The following SPOCK3 variants were observed in gnomAD, a reference collection of about 807,000 sequenced individuals.
The protein encoded by SPOCK3 is SPARC (osteonectin), cwcv and kazal like domains proteoglycan 3, also known as testican-3.
Under a neutral mutation model 56.6 loss-of-function variants are expected in SPOCK3, and 30 were observed. That is an observed-to-expected ratio of 0.53 (90% CI 0.40 to 0.72). SPOCK3 has a LOEUF of 0.72. Ranked by LOEUF, SPOCK3 falls within the 30% of genes least tolerant of loss-of-function variation. SPOCK3 has a pLI of 0.00. For missense variants in SPOCK3, 527 were observed against 530.0 expected, an observed-to-expected ratio of 0.99 and a Z score of 0.06; for synonymous variants, 196 against 183.3, an observed-to-expected ratio of 1.07 and a Z score of -0.56.
chr4:166,824,549 G>T (rs1275044550), intron 6 of SPOCK3, among the ~76,000 whole-genome samples: 1 of 152,098 alleles, frequency 6.6e-6, no homozygotes, highest in Non-Finnish European at 1.5e-5. Context: ...GGGAGCGTCT[G>T]TGAAAGGTTT....
chr4:167,003,872 A>G (rs954514364), intron 3 of SPOCK3, among the ~76,000 whole-genome samples: 1 of 152,188 alleles, frequency 6.6e-6, no homozygotes, highest in Non-Finnish European at 1.5e-5. Context: ...GCGTCATTAC[A>G]TTCGCAGTGT....
At chr4:166,969,136 C>T (rs1216376608) in intron 4 of SPOCK3, among the ~76,000 whole-genome samples, 2 of 152,134 alleles carry the variant, frequency 1.3e-5, no homozygotes, top group East Asian at 3.9e-4. Flanking sequence ...TCCATTATAT[C>T]TTGGAAGTAA....
chr4:166,863,265 G>T (rs529066174), intron 6 of SPOCK3, among the ~76,000 whole-genome samples: 2 of 151,884 alleles, frequency 1.3e-5, no homozygotes, highest in Non-Finnish European at 2.9e-5. Context: ...ATATGGAAAG[G>T]AGCTCTTTCC....
chr4:166,848,909 G>T (rs1043928939), intron 6 of SPOCK3, among the ~76,000 whole-genome samples: 1 of 152,106 alleles, frequency 6.6e-6, no homozygotes, highest in African/African-American at 2.4e-5. Flanking sequence ...TCTAACAGGT[G>T]ATGTAAACTA....
In SPOCK3 at chr4:166,840,839, C is replaced by T. The variant is rs370517841; in HGVS notation, c.589+48291G>A. On this transcript the variant is annotated intron_variant, in intron 6 of 10. Transcript: ENST00000357545. Reference sequence around the variant, plus strand: ...TGTCGCCCAGGCTGGAGTGCAGTGGCGCAATCTCGGGTCACTGCAAGGTCC... The same window carrying T: ...TGTCGCCCAGGCTGGAGTGCAGTGGTGCAATCTCGGGTCACTGCAAGGTCC... Among the ~76,000 whole-genome samples the T allele has an allele frequency of 1.3e-3, 173 of 131,248 alleles. 1 individual carries two copies. The highest frequency in any genetic ancestry group is 4.5e-3 in the African/African-American group (147 of 32,918). 86.1% of individuals were successfully genotyped at this position (131,248 alleles called of 152,430 possible).
At chr4:166,935,392 C>T (rs1197666132) in intron 4 of SPOCK3, among the ~76,000 whole-genome samples, 1 of 152,152 alleles carries the variant, frequency 6.6e-6, no homozygotes, top group Non-Finnish European at 1.5e-5. Context: ...GTACTGTGCC[C>T]ATGGAACTTT....
chr4:166,868,651 C>A (rs57136544), intron 6 of SPOCK3, among the ~76,000 whole-genome samples: 1 of 151,986 alleles, frequency 6.6e-6, no homozygotes, highest in Admixed American at 6.6e-5. Context: ...AAACAGTAAT[C>A]TAGCTTATGC....
At position 166,955,342 on chromosome 4, in the gene SPOCK3, C is replaced by T. The variant is rs1014057948; in HGVS notation, c.351-42599G>A. ...ATTACTAATTTGCCATTCCTATAGG[C>T]ACTCAAAGTCCGTAACTACCACAGA... On this transcript the variant is annotated intron_variant, in intron 4 of 10. Coordinates refer to ENST00000357545, the MANE Select transcript of SPOCK3 (RefSeq NM_001040159.2). 1.8e-4 allele frequency among the ~76,000 whole-genome samples: 27 copies of T among 150,860 alleles called. 1 individual carries two copies. Among genetic ancestry groups the T allele is most frequent in the Admixed American group, 1.5e-3 (23 of 15,070 alleles).
chr4:166,905,693 C>A (rs1476360432), intron 5 of SPOCK3, among the ~76,000 whole-genome samples: 1 of 151,672 alleles, frequency 6.6e-6, no homozygotes, highest in Admixed American at 6.6e-5. Context: ...AATAAACCTG[C>A]ATGTATTCAT....
At chr4:166,919,467 C>A (rs1460635740) in intron 4 of SPOCK3, among the ~76,000 whole-genome samples, 1 of 152,130 alleles carries the variant, frequency 6.6e-6, no homozygotes, top group Non-Finnish European at 1.5e-5. Flanking sequence ...TTTCAATAGG[C>A]ATCACGACAA....
chr4:166,943,408 TA>T, intron 4 of SPOCK3, among the ~76,000 whole-genome samples: 1 of 152,266 alleles, frequency 6.6e-6, no homozygotes, highest in South Asian at 2.1e-4. Context: ...ATATAATACT[TA>T]ATATAAAAAA....
At chr4:167,062,431 C>T (rs1755700234) in intron 3 of SPOCK3, 61 bp downstream of exon 3, 3 of 1,307,348 alleles carry the variant, frequency 2.3e-6, no homozygotes, top group Non-Finnish European at 3.3e-6. Context: ...AATATCATTT[C>T]TAAAAGTACA....
chr4:166,902,592 GAT>G (rs1736167289), intron 5 of SPOCK3, among the ~76,000 whole-genome samples: 1 of 151,130 alleles, frequency 6.6e-6, no homozygotes, highest in African/African-American at 2.4e-5. Flanking sequence ...ATAAATATAT[GAT>G]ATATATAATA....
chr4:167,158,318 G>A (rs1049208420), intron 2 of SPOCK3, among the ~76,000 whole-genome samples: 2 of 151,590 alleles, frequency 1.3e-5, no homozygotes, highest in Admixed American at 6.6e-5. Context: ...TCTCTGCTGC[G>A]GTTTTAAACA....
chr4:167,111,530 G>T (rs1340112498), intron 2 of SPOCK3, among the ~76,000 whole-genome samples: 1 of 151,840 alleles, frequency 6.6e-6, no homozygotes, highest in Non-Finnish European at 1.5e-5. Context: ...AAATTTTTAG[G>T]ACTAATTTCT....
chr4:167,221,948 AC>A (rs1735962489), intron 2 of SPOCK3, among the ~76,000 whole-genome samples: 1 of 152,160 alleles, frequency 6.6e-6, no homozygotes, highest in African/African-American at 2.4e-5. Context: ...CAGCAATTCC[AC>A]TTCTGAGTAT....
At chr4:166,986,218 A>T (rs1450793822) in intron 4 of SPOCK3, among the ~76,000 whole-genome samples, 1 of 152,206 alleles carries the variant, frequency 6.6e-6, no homozygotes, top group Non-Finnish European at 1.5e-5. Flanking sequence ...AGTTAAAATC[A>T]TAATTAAAAA....
chr4:166,962,393 TAGAAACGACACTTCTCTG>T (rs978198952), intron 4 of SPOCK3, among the ~76,000 whole-genome samples: 6 of 152,136 alleles, frequency 3.9e-5, no homozygotes, highest in African/African-American at 1.4e-4. Context: ...AGGGAACTTG[TAGAAACGACACTTCTCTG>T]AGTACTGCTA....
intron 6 of SPOCK3, among the ~76,000 whole-genome samples, chr4:166,873,421 A>G (rs1732709659): frequency 6.6e-6 from 1 of 152,260 alleles, no homozygotes; most frequent in Non-Finnish European, 1.5e-5. Flanking sequence ...TGATATATCA[A>G]TAGCTTCATC....
Sources: gnomAD v4.1 joint callset for allele counts (sites outside exome capture counted in the v4.1 genomes callset) on GRCh38, gnomAD v4.1.1 for gene constraint, MANE v1.5 for transcripts, NCBI Gene and HGNC (gene_info 2026-07-23, HGNC 2026-07-21) for gene names.